Variants in GALNT6 observed in about 807,000 individuals in gnomAD.
The protein encoded by GALNT6 is polypeptide N-acetylgalactosaminyltransferase 6.
A neutral mutation model predicts 65.9 loss-of-function variants in GALNT6; 51 were observed. The observed-to-expected ratio is 0.77, with a 90% confidence interval of 0.62 to 0.98. The LOEUF (loss-of-function observed/expected upper bound fraction) is 0.98, where lower values mean the gene tolerates loss of function less well. Among genes scored for constraint, GALNT6 ranks in the 50% least tolerant of loss-of-function variants. The probability of loss-of-function intolerance (pLI) is 0.00; values close to 1 mark genes in which losing one functional copy is unlikely to be tolerated. For missense variants in GALNT6, 708 were observed against 803.3 expected, an observed-to-expected ratio of 0.88 and a Z score of 1.43; for synonymous variants, 323 against 315.1, an observed-to-expected ratio of 1.02 and a Z score of -0.26.
intron 3 of GALNT6, 91 bp from the exon 4 acceptor site, chr12:51,377,458 C>T (rs1947501932): frequency 2.0e-6 from 2 of 992,720 alleles, no homozygotes; most frequent in Non-Finnish European, 3.1e-6. Context: ...CCCAGACCAT[C>T]CTCCACTCCT....
At chr12:51,358,611 G>T (rs1178991937) in intron 8 of GALNT6, among the ~76,000 whole-genome samples, 2 of 152,126 alleles carry the variant, frequency 1.3e-5, no homozygotes, top group Non-Finnish European at 2.9e-5. Flanking sequence ...AGTTCCACCA[G>T]TCTTTGACCT....
intron 7 of GALNT6, among the ~76,000 whole-genome samples, 164 bp downstream of exon 7, chr12:51,360,557 T>A (rs980838806): frequency 6.6e-6 from 1 of 152,088 alleles, no homozygotes; most frequent in African/African-American, 2.4e-5. Context: ...CCTACTGCCA[T>A]GGACAGGGGG....
intron 1 of GALNT6, 79 bp from the exon 2 acceptor site, chr12:51,391,016 T>A (rs1565742255): frequency 6.6e-6 from 1 of 152,412 alleles, no homozygotes; most frequent in Non-Finnish European, 1.5e-5. Flanking sequence ...AGGAGGCAGA[T>A]CCCTTCCCAC....
chr12:51,364,192 G>T lies in GALNT6; in HGVS notation c.978C>A (p.Ser326Arg), dbSNP rs372949504. Reference protein sequence around the residue: ...RVHSRGNFDWSLTFGWETLPP... With the variant: ...RVHSRGNFDWRLTFGWETLPP... Reference sequence around the variant, plus strand: ...GAAGTGTTTCCCAGCCGAAGGTCAGGCTCCAGTCAAAGTTGCCTCGGCTAT... The same window carrying T: ...GAAGTGTTTCCCAGCCGAAGGTCAGTCTCCAGTCAAAGTTGCCTCGGCTAT... Residue 326 changes from serine to arginine, a missense_variant, in exon 6 of 12, where the codon AGC becomes AGA. Ser to Arg is a moderately radical substitution (Grantham distance 110). Transcript: ENST00000356317. 1 of 1,614,040 alleles carries T rather than the reference G, an allele frequency of 6.2e-7. No homozygotes were observed. Among genetic ancestry groups the T allele is most frequent in the African/African-American group, 1.3e-5 (1 of 74,908 alleles).
At chr12:51,358,489 T>A (rs1379343624) in intron 8 of GALNT6, among the ~76,000 whole-genome samples, 4 of 152,012 alleles carry the variant, frequency 2.6e-5, no homozygotes. Context: ...TTAGTAGAGA[T>A]GAGGTTTCAC....
intron 2 of GALNT6, among the ~76,000 whole-genome samples, chr12:51,388,806 A>G (rs1269049420): frequency 6.6e-6 from 1 of 152,120 alleles, no homozygotes; most frequent in Non-Finnish European, 1.5e-5. Flanking sequence ...CTCTGCCTTG[A>G]GATGTATGGC....
intron 5 of GALNT6, among the ~76,000 whole-genome samples, 186 bp from the exon 6 acceptor site, chr12:51,364,541 C>T (rs1311820412): frequency 6.6e-6 from 1 of 152,254 alleles, no homozygotes; most frequent in African/African-American, 2.4e-5. Context: ...CCTCTACCCC[C>T]AAAGGCGGAG....
At chr12:51,380,850 G>A (rs910961400) in intron 2 of GALNT6, among the ~76,000 whole-genome samples, 4 of 152,144 alleles carry the variant, frequency 2.6e-5, no homozygotes, top group Admixed American at 6.6e-5. Context: ...TGAAGAAAAC[G>A]GTACAGGATT....
intron 2 of GALNT6, among the ~76,000 whole-genome samples, chr12:51,381,379 G>A (rs571671571): frequency 9.2e-5 from 14 of 152,354 alleles, no homozygotes; most frequent in African/African-American, 2.2e-4. Context: ...CAGGCATGTG[G>A]ATCCATGCCC....
chr12:51,359,052 C>A lies in GALNT6; in HGVS notation c.1368+80G>T, dbSNP rs1946836410. The A allele has an allele frequency of 2.7e-6, 3 of 1,127,240 alleles. No individual in the cohort carries two copies. The East Asian group carries it at 7.0e-5, about 26-fold the overall frequency. 69.8% of individuals were successfully genotyped at this position (1,127,240 alleles called of 1,614,324 possible). A position where few individuals can be genotyped will look rare whatever the true frequency, so the allele number is the denominator to read the frequency against. The stretch of plus-strand genomic sequence containing the variant: ...CCAGATGGTAGAGATGAGGTGGGTC[C>A]CAGCCATTAGGCCCATGAACAGGGT... On this transcript the variant is annotated intron_variant, in intron 8 of 11. Transcript: ENST00000356317.
In GALNT6 at chr12:51,379,691, C is replaced by T. The variant is rs1302421319; in HGVS notation, c.91G>A (p.Val31Met). The change falls in exon 3 of 12, where the codon GTG becomes ATG. Residue 31 changes from valine to methionine, a missense_variant. Val to Met is a conservative substitution (Grantham distance 21). Transcript: ENST00000356317. ...VLFLFLLHRD[V>M]SSREEATEKP... ...TCTGTGGCCTCCTCTCTGCTGCTCACATCCCTATGCAGGAGGAAGAGGAAG... is the reference window on the plus strand; with the variant it reads ...TCTGTGGCCTCCTCTCTGCTGCTCATATCCCTATGCAGGAGGAAGAGGAAG... 1 of 1,614,136 alleles carries T rather than the reference C, an allele frequency of 6.2e-7. No individual in the cohort carries two copies. Among genetic ancestry groups the T allele is most frequent in the Admixed American group, 1.7e-5 (1 of 60,028 alleles).
At position 51,355,807 on chromosome 12, in the gene GALNT6, T is replaced by TG; in HGVS notation, c.1753dup (p.Gln585ProfsTer30). 6.2e-7 allele frequency: 1 copy of TG among 1,612,658 alleles called. No homozygotes were observed. Among genetic ancestry groups the TG allele is most frequent in the Non-Finnish European group, 8.5e-7 (1 of 1,179,412 alleles). On this transcript the variant is annotated frameshift_variant and splice_region_variant, in exon 11 of 12. Coordinates refer to ENST00000356317, the MANE Select transcript of GALNT6 (RefSeq NM_007210.4). LOFTEE classifies it high-confidence loss of function. Reference sequence around the variant, plus strand: ...TGAGCTTTCTGGACACTGACTCACCTGGGCCAATTCCCATTCCTCGTCCTT... The same window carrying TG: ...TGAGCTTTCTGGACACTGACTCACCTGGGGCCAATTCCCATTCCTCGTCCTT...
intron 2 of GALNT6, among the ~76,000 whole-genome samples, chr12:51,384,762 G>A (rs559369955): frequency 6.6e-6 from 1 of 151,874 alleles, no homozygotes; most frequent in South Asian, 2.1e-4. Context: ...GCATAGGCCT[G>A]TAATCTCAGC....
chr12:51,370,954 G>A (rs577471741), intron 4 of GALNT6, among the ~76,000 whole-genome samples: 3 of 152,130 alleles, frequency 2.0e-5, no homozygotes, highest in East Asian at 3.9e-4. Context: ...AAGATGATAC[G>A]TTTTATGTCG....
intron 2 of GALNT6, among the ~76,000 whole-genome samples, chr12:51,389,876 CAG>C (rs1947976984): frequency 6.6e-6 from 1 of 152,222 alleles, no homozygotes; most frequent in Non-Finnish European, 1.5e-5. Context: ...CATGCTGCTA[CAG>C]GTAGGAGTCA....
chr12:51,385,983 C>T (rs1017886400), intron 2 of GALNT6, among the ~76,000 whole-genome samples: 1 of 152,090 alleles, frequency 6.6e-6, no homozygotes, highest in African/African-American at 2.4e-5. Flanking sequence ...TACAGAGGTG[C>T]GTGCCATCAG....
intron 5 of GALNT6, among the ~76,000 whole-genome samples, chr12:51,364,981 C>A (rs1291557837): frequency 1.3e-5 from 2 of 152,170 alleles, no homozygotes; most frequent in Non-Finnish European, 2.9e-5. Context: ...TATATCACCA[C>A]TCCTAGGGAA....
chr12:51,353,023 A>G lies in GALNT6; in HGVS notation c.*1356T>C, dbSNP rs899214685. On this transcript the variant is annotated 3_prime_UTR_variant, in exon 12 of 12. Coordinates refer to ENST00000356317, the MANE Select transcript of GALNT6 (RefSeq NM_007210.4). ...GGCCAGCCAGCTAGAAATGATTAGA[A>G]TGGAGGAAGAGGGAATGAGAAGGCT... 1.3e-5 allele frequency: 2 copies of G among 152,266 alleles called. No homozygotes were observed. The highest frequency in any genetic ancestry group is 2.9e-5 in the Non-Finnish European group (2 of 68,150). 9.4% of individuals were successfully genotyped at this position (152,266 alleles called of 1,614,324 possible). A position where few individuals can be genotyped will look rare whatever the true frequency, so the allele number is the denominator to read the frequency against.
At chr12:51,388,945 AC>A (rs967888197) in intron 2 of GALNT6, among the ~76,000 whole-genome samples, 15 of 152,228 alleles carry the variant, frequency 9.9e-5, no homozygotes, top group African/African-American at 3.6e-4. Flanking sequence ...GAATAAGCTG[AC>A]CCCACAGGGC....
Sources: allele counts gnomAD v4.1 joint callset (sites outside exome capture counted in the v4.1 genomes callset), GRCh38; gene constraint gnomAD v4.1.1; transcripts MANE v1.5; gene names NCBI Gene and HGNC (gene_info 2026-07-23, HGNC 2026-07-21).